Variants in GRIA1 observed in about 807,000 individuals in gnomAD.
The protein encoded by GRIA1 is glutamate receptor 1.
Under a neutral mutation model 99.2 loss-of-function variants are expected in GRIA1, and 31 were observed. The observed-to-expected ratio is 0.31, with a 90% confidence interval of 0.23 to 0.42. The LOEUF (loss-of-function observed/expected upper bound fraction) is 0.42, where lower values mean the gene tolerates loss of function less well. GRIA1 is among the 10% of genes least tolerant of loss of function. GRIA1 has a pLI of 1.00. For synonymous variants in GRIA1, 438 were observed against 432.4 expected, an observed-to-expected ratio of 1.01 and a Z score of -0.16; for missense variants, 782 against 1,157.5, an observed-to-expected ratio of 0.68 and a Z score of 4.71.
intron 13 of GRIA1, among the ~76,000 whole-genome samples, chr5:153,784,869 C>T (rs976987376): frequency 8.5e-5 from 13 of 152,284 alleles, no homozygotes; most frequent in African/African-American, 3.1e-4. Flanking sequence ...ATCTAGGACC[C>T]AGGCCCACCA....
intron 2 of GRIA1, among the ~76,000 whole-genome samples, chr5:153,607,061 A>G (rs1339320510): frequency 6.8e-6 from 1 of 147,454 alleles, no homozygotes; most frequent in African/African-American, 2.5e-5. Flanking sequence ...ATATATATAT[A>G]TATATATAAT....
intron 5 of GRIA1, among the ~76,000 whole-genome samples, chr5:153,660,295 G>A (rs1444124396): frequency 1.3e-5 from 2 of 152,160 alleles, no homozygotes; most frequent in African/African-American, 4.8e-5. Flanking sequence ...TTGACTGATT[G>A]CTACATTCTA....
At chr5:153,727,375 G>A (rs1581549392) in intron 11 of GRIA1, among the ~76,000 whole-genome samples, 1 of 152,300 alleles carries the variant, frequency 6.6e-6, no homozygotes, top group African/African-American at 2.4e-5. Context: ...AGTGTTGGAA[G>A]TTCTGGCCAG....
At chr5:153,653,818 G>T (rs944253403) in intron 4 of GRIA1, among the ~76,000 whole-genome samples, 1 of 152,184 alleles carries the variant, frequency 6.6e-6, no homozygotes, top group Non-Finnish European at 1.5e-5. Context: ...ATAAATGTTT[G>T]TTGAATGGAT....
At chr5:153,500,442 A>C (rs1258486930) in intron 2 of GRIA1, among the ~76,000 whole-genome samples, 2 of 152,178 alleles carry the variant, frequency 1.3e-5, no homozygotes, top group African/African-American at 4.8e-5. Context: ...CAAGAGATGA[A>C]ATCCATTTTT....
chr5:153,581,390 C>T (rs72802631), intron 2 of GRIA1, among the ~76,000 whole-genome samples: 15,256 of 152,148 alleles, frequency 0.1, 902 homozygotes, highest in South Asian at 0.25. Flanking sequence ...ACCTCTCTGA[C>T]CTCCCCTCAC....
intron 11 of GRIA1, among the ~76,000 whole-genome samples, chr5:153,717,124 T>C (rs912223955): frequency 2.0e-5 from 3 of 152,132 alleles, no homozygotes; most frequent in African/African-American, 7.2e-5. Context: ...AATTACAGGC[T>C]CTTTTCACTG....
chr5:153,691,292 C>G (rs1473779056), intron 8 of GRIA1, among the ~76,000 whole-genome samples: 4 of 152,198 alleles, frequency 2.6e-5, no homozygotes, highest in African/African-American at 9.6e-5. Context: ...GGTAGAATCA[C>G]AAATTCTGAT....
At position 153,722,339 on chromosome 5, in the gene GRIA1, A is replaced by G. The variant is rs1310245607; in HGVS notation, c.1823+16272A>G. On this transcript the variant is annotated intron_variant, in intron 11 of 15. Transcript: ENST00000285900. ...AACTTTAATGTAGTCCAGTTTCACA[A>G]GATTTTTTCTTTATGCCTAGTACTT... Among the ~76,000 whole-genome samples, 4 of 152,166 alleles carry G rather than the reference A, an allele frequency of 2.6e-5. No homozygotes were observed. The East Asian group carries it at 7.7e-4, about 29-fold the overall frequency.
At chr5:153,492,548 G>A (rs769450265) in intron 1 of GRIA1, among the ~76,000 whole-genome samples, 2 of 152,150 alleles carry the variant, frequency 1.3e-5, no homozygotes, top group Non-Finnish European at 2.9e-5. Flanking sequence ...GGGAGCACTT[G>A]TACATGTGGA....
intron 2 of GRIA1, among the ~76,000 whole-genome samples, chr5:153,621,882 G>A (rs1289120810): frequency 1.3e-5 from 2 of 152,058 alleles, no homozygotes; most frequent in Non-Finnish European, 2.9e-5. Context: ...CTTCAGCAAG[G>A]TCCTACAGCT....
chr5:153,659,693 C>T (rs1755216218), intron 5 of GRIA1, among the ~76,000 whole-genome samples: 1 of 152,158 alleles, frequency 6.6e-6, no homozygotes, highest in Non-Finnish European at 1.5e-5. Flanking sequence ...ACTGCAATTG[C>T]CAATATGAGT....
At chr5:153,643,311 T>C (rs1753906895) in intron 2 of GRIA1, among the ~76,000 whole-genome samples, 1 of 152,144 alleles carries the variant, frequency 6.6e-6, no homozygotes, top group Admixed American at 6.5e-5. Context: ...TAGGAGAGCG[T>C]GGGATTTACT....
At chr5:153,653,292 G>T (rs1433684722) in intron 4 of GRIA1, among the ~76,000 whole-genome samples, 1 of 152,156 alleles carries the variant, frequency 6.6e-6, no homozygotes, top group Non-Finnish European at 1.5e-5. Flanking sequence ...GGAGGAAAAG[G>T]CATGTCAGGA....
chr5:153,642,276 G>C (rs924018533), intron 2 of GRIA1, among the ~76,000 whole-genome samples: 1 of 152,132 alleles, frequency 6.6e-6, no homozygotes, highest in Non-Finnish European at 1.5e-5. Flanking sequence ...ACTGGTAGAG[G>C]TCATCTCTCA....
chr5:153,716,547 A>G (rs1010178281), intron 11 of GRIA1, among the ~76,000 whole-genome samples: 1 of 152,146 alleles, frequency 6.6e-6, no homozygotes, highest in African/African-American at 2.4e-5. Context: ...CTGAGGGAGC[A>G]GAGGCGAGCA....
At chr5:153,584,754 G>A (rs1763326493) in intron 2 of GRIA1, among the ~76,000 whole-genome samples, 1 of 152,148 alleles carries the variant, frequency 6.6e-6, no homozygotes, top group African/African-American at 2.4e-5. Flanking sequence ...GTCATGTTTT[G>A]AAATGAGATG....
intron 2 of GRIA1, among the ~76,000 whole-genome samples, chr5:153,521,752 A>G (rs1182566688): frequency 6.6e-6 from 1 of 152,156 alleles, no homozygotes; most frequent in Admixed American, 6.5e-5. Flanking sequence ...TTTAAGGCAT[A>G]TTTTAGGCTC....
intron 2 of GRIA1, among the ~76,000 whole-genome samples, chr5:153,595,947 G>C (rs1049445643): frequency 6.6e-6 from 1 of 151,768 alleles, no homozygotes; most frequent in Non-Finnish European, 1.5e-5. Context: ...CCAGTGTCAT[G>C]TTCCATGAGA....
Sources: allele counts gnomAD v4.1 joint callset (sites outside exome capture counted in the v4.1 genomes callset), GRCh38; gene constraint gnomAD v4.1.1; transcripts MANE v1.5; gene names NCBI Gene and HGNC (gene_info 2026-07-23, HGNC 2026-07-21).